Variants in KIAA0513 observed in about 807,000 individuals in gnomAD.
KIAA0513 encodes KIAA0513, also known as uncharacterized protein KIAA0513.
KIAA0513 carries 39 observed loss-of-function variants against 56.5 expected under a neutral mutation model. The ratio of observed to expected loss-of-function variants is 0.69; its 90% CI spans 0.53 to 0.90. The LOEUF (loss-of-function observed/expected upper bound fraction) is 0.90, where lower values mean the gene tolerates loss of function less well. KIAA0513 is among the 40% of genes least tolerant of loss of function. The pLI is 0.00. For missense variants in KIAA0513, 591 were observed against 535.2 expected, an observed-to-expected ratio of 1.10 and a Z score of -1.03; for synonymous variants, 268 against 215.6, an observed-to-expected ratio of 1.24 and a Z score of -2.13.
chr16:85,083,290 C>T (rs1283951395), intron 10 of KIAA0513, among the ~76,000 whole-genome samples: 2 of 152,186 alleles, frequency 1.3e-5, no homozygotes. Context: ...TTTTTAGAGT[C>T]GCTGATCTGC....
chr16:85,043,770 C>T (rs922065401), intron 1 of KIAA0513, among the ~76,000 whole-genome samples: 4 of 152,070 alleles, frequency 2.6e-5, no homozygotes, highest in Non-Finnish European at 4.4e-5. Flanking sequence ...CGGTGGCCCA[C>T]GCCTGTAATC....
At chr16:85,072,132 C>T (rs191764531) in intron 3 of KIAA0513, among the ~76,000 whole-genome samples, 17 of 152,198 alleles carry the variant, frequency 1.1e-4, no homozygotes, top group Non-Finnish European at 2.2e-4. Context: ...GTGGGAGGAT[C>T]GCTTGAGCCC....
chr16:85,058,665 A>AC (rs1178472554), intron 1 of KIAA0513, among the ~76,000 whole-genome samples: 98 of 152,138 alleles, frequency 6.4e-4, no homozygotes, highest in African/African-American at 2.2e-3. Flanking sequence ...AAAAAAAAAA[A>AC]AAACACACAA....
intron 1 of KIAA0513, among the ~76,000 whole-genome samples, chr16:85,038,723 AT>A (rs371590549): frequency 0.08 from 9,190 of 114,172 alleles, 1,004 homozygotes; most frequent in African/African-American, 0.18. Flanking sequence ...AAAAAAAAAA[AT>A]AATAATAATA....
chr16:85,061,519 ACT>A (rs1873719950), intron 1 of KIAA0513, among the ~76,000 whole-genome samples: 1 of 152,062 alleles, frequency 6.6e-6, no homozygotes, highest in African/African-American at 2.4e-5. Flanking sequence ...GGTTTTGCAC[ACT>A]CTGGGTGAGA....
At chr16:85,047,517 G>T (rs569933727) in intron 1 of KIAA0513, among the ~76,000 whole-genome samples, 1 of 152,242 alleles carries the variant, frequency 6.6e-6, no homozygotes, top group Admixed American at 6.5e-5. Flanking sequence ...AAGCCAGCGG[G>T]TTTTTCACCC....
At position 85,092,484 on chromosome 16, in the gene KIAA0513, C is replaced by A. The variant is rs1276345899; in HGVS notation, c.*4159C>A. 2 of 152,196 alleles carry A rather than the reference C, an allele frequency of 1.3e-5. No homozygotes were observed. The highest frequency in any genetic ancestry group is 2.9e-5 in the Non-Finnish European group (2 of 68,040). The allele number at this position is 152,196 out of a possible 1,614,324, so 9.4% of individuals were successfully genotyped here. A position where few individuals can be genotyped will look rare whatever the true frequency, so the allele number is the denominator to read the frequency against. On this transcript the variant is annotated 3_prime_UTR_variant, in exon 13 of 13. Coordinates refer to ENST00000683363, the MANE Select transcript of KIAA0513 (RefSeq NM_001388359.1). ...CTCAGGGACGGGGAGGGAGAGCCCC[C>A]TCTGGGCCCAGCAGGCAGGTGTTCT...
chr16:85,033,235 G>A (rs538463546), intron 1 of KIAA0513, among the ~76,000 whole-genome samples: 4 of 152,156 alleles, frequency 2.6e-5, no homozygotes, highest in Non-Finnish European at 5.9e-5. Flanking sequence ...AGGCCATGCG[G>A]CTCCTGACAG....
intron 1 of KIAA0513, among the ~76,000 whole-genome samples, chr16:85,062,840 A>G (rs899722052): frequency 6.6e-6 from 1 of 152,178 alleles, no homozygotes; most frequent in Non-Finnish European, 1.5e-5. Context: ...CAGATGGCCA[A>G]GACTGTGACC....
intron 1 of KIAA0513, among the ~76,000 whole-genome samples, chr16:85,036,305 G>A (rs1389626509): frequency 6.6e-6 from 1 of 151,978 alleles, no homozygotes; most frequent in Non-Finnish European, 1.5e-5. Flanking sequence ...CTCCATCAAC[G>A]AAACCCCTTT....
rs2073886276 is a variant in KIAA0513, at chr16:85,093,058, TG to T, written c.*4734del. On this transcript the variant is annotated 3_prime_UTR_variant, in exon 13 of 13. Transcript: ENST00000683363. ...CAGGAAAGGGACGGAATCAATCCTGTGACCGATGGGCTCGCAAGGATGGGTG... is the reference window on the plus strand; with the variant it reads ...CAGGAAAGGGACGGAATCAATCCTGTACCGATGGGCTCGCAAGGATGGGTG... 6.6e-6 allele frequency: 1 copy of T among 152,304 alleles called. No individual in the cohort carries two copies. Among genetic ancestry groups the T allele is most frequent in the Non-Finnish European group, 1.5e-5 (1 of 68,162 alleles). The allele number at this position is 152,304 out of a possible 1,614,324, so 9.4% of individuals were successfully genotyped here. A position where few individuals can be genotyped will look rare whatever the true frequency, so the allele number is the denominator to read the frequency against.
intron 1 of KIAA0513, among the ~76,000 whole-genome samples, chr16:85,058,654 CAAA>C (rs58904956): frequency 1.6e-5 from 2 of 122,812 alleles, no homozygotes; most frequent in Non-Finnish European, 1.8e-5. Context: ...CTCCATCTCA[CAAA>C]AAAAAAAAAA....
chr16:85,070,263 G>T (rs1049176546), intron 2 of KIAA0513, among the ~76,000 whole-genome samples: 2 of 152,022 alleles, frequency 1.3e-5, no homozygotes, highest in Non-Finnish European at 2.9e-5. Context: ...TGTGTAAACT[G>T]TCAAGGGCTG....
chr16:85,079,997 G>T (rs1468799777), intron 8 of KIAA0513, among the ~76,000 whole-genome samples: 1 of 152,176 alleles, frequency 6.6e-6, no homozygotes, highest in Non-Finnish European at 1.5e-5. Context: ...TGTCAGACGG[G>T]CCCTCCCTCC....
At chr16:85,042,422 G>A (rs1054505970) in intron 1 of KIAA0513, among the ~76,000 whole-genome samples, 1 of 152,170 alleles carries the variant, frequency 6.6e-6, no homozygotes, top group Admixed American at 6.5e-5. Flanking sequence ...TCCCCCAGAT[G>A]AGCAAATAGG....
At position 85,073,163 on chromosome 16, in the gene KIAA0513, C is replaced by T. The variant is rs538903984; in HGVS notation, c.503+165C>T. 7.9e-5 allele frequency among the ~76,000 whole-genome samples: 12 copies of T among 152,304 alleles called. No individual in the cohort carries two copies. The South Asian group carries it at 2.1e-3, about 26-fold the overall frequency. On this transcript the variant is annotated intron_variant, in intron 4 of 12. Coordinates refer to ENST00000683363, the MANE Select transcript of KIAA0513 (RefSeq NM_001388359.1). ...CCAGCATTCAGCTAAAAGGCACAGT[C>T]GTGACCTCCATCTCGCGGGAGCAGG...
At chr16:85,029,208 A>T (rs1438689913) in intron 1 of KIAA0513, among the ~76,000 whole-genome samples, 1 of 152,076 alleles carries the variant, frequency 6.6e-6, no homozygotes, top group Non-Finnish European at 1.5e-5. Context: ...GAAAAAGTTG[A>T]CTCATGAGAT....
At position 85,077,072 on chromosome 16, in the gene KIAA0513, G is replaced by A. The variant is rs544264579; in HGVS notation, c.575-353G>A. Among the ~76,000 whole-genome samples, 272 of 152,278 alleles carry A rather than the reference G, an allele frequency of 1.8e-3. 2 individuals carry two copies. The highest frequency in any genetic ancestry group is 6.2e-3 in the African/African-American group (257 of 41,580). ...CACACTCCCATTCCAGGGGCCTGGT[G>A]CCCAGCTGGCTTCTGCCTCCCTGGC... On this transcript the variant is annotated intron_variant, in intron 5 of 12. Transcript: ENST00000683363.
At chr16:85,041,636 C>G (rs1168357202) in intron 1 of KIAA0513, among the ~76,000 whole-genome samples, 5 of 152,176 alleles carry the variant, frequency 3.3e-5, no homozygotes, top group Admixed American at 6.5e-5. Context: ...CGGGCGCTGC[C>G]TCCATCCGTA....
Sources: gnomAD v4.1 joint callset for allele counts (sites outside exome capture counted in the v4.1 genomes callset) on GRCh38, gnomAD v4.1.1 for gene constraint, MANE v1.5 for transcripts, NCBI Gene and HGNC (gene_info 2026-07-23, HGNC 2026-07-21) for gene names.